KIAA2012: variants seen among roughly 807,000 people sequenced by gnomAD.
KIAA2012 encodes the protein KIAA2012.
In KIAA2012, 125 loss-of-function variants were observed where a neutral mutation model predicts 150.6. The ratio of observed to expected loss-of-function variants is 0.83; its 90% CI spans 0.72 to 0.96. KIAA2012 has a LOEUF of 0.96. KIAA2012 is among the 40% of genes least tolerant of loss of function. KIAA2012 has a pLI of 0.00. For missense variants in KIAA2012, 1,219 were observed against 1,354.9 expected (o/e 0.90, Z 1.57); for synonymous variants, 462 against 504.7 (o/e 0.92, Z 1.13).
intron 14 of KIAA2012, among the ~76,000 whole-genome samples, chr2:202,162,474 C>T (rs1180173064): frequency 6.6e-6 from 1 of 151,796 alleles, no homozygotes; most frequent in Non-Finnish European, 1.5e-5. Flanking sequence ...AGGATTTCAC[C>T]ATGTTAGCCA....
In KIAA2012 at chr2:202,196,915, A is replaced by G; in HGVS notation, c.3303A>G (p.Ala1101=). ...RLEYQRRKQE[A]EEKARLEAEE... is the part of the protein sequence containing the mutation. Reference sequence around the variant, plus strand: ...AGTACCAGCGGCGGAAACAGGAAGCAGAAGAGAAGGCTCGGCTGGAGGCAG... The same window carrying G: ...AGTACCAGCGGCGGAAACAGGAAGCGGAAGAGAAGGCTCGGCTGGAGGCAG... The change falls in exon 22 of 24, where the codon GCA becomes GCG. Residue 1101 remains alanine, a synonymous_variant. Coordinates refer to ENST00000498697, the MANE Select transcript of KIAA2012 (RefSeq NM_001277372.4). The G allele has an allele frequency of 6.4e-7, 1 of 1,550,792 alleles. No individual in the cohort carries two copies. The highest frequency in any genetic ancestry group is 8.7e-7 in the Non-Finnish European group (1 of 1,147,010).
chr2:202,132,743 A>ATGTAG (rs1188073064), intron 12 of KIAA2012, among the ~76,000 whole-genome samples: 1 of 111,622 alleles, frequency 9.0e-6, no homozygotes, highest in Non-Finnish European at 1.7e-5. Flanking sequence ...ATATGTATAT[A>ATGTAG]TATAGTATAT....
intron 15 of KIAA2012, among the ~76,000 whole-genome samples, chr2:202,166,560 G>T (rs1574301984): frequency 6.6e-6 from 1 of 152,048 alleles, no homozygotes; most frequent in East Asian, 1.9e-4. Flanking sequence ...GCTGAGGCAG[G>T]AGGATCATTG....
At chr2:202,122,610 C>T (rs1690679152) in intron 11 of KIAA2012, among the ~76,000 whole-genome samples, 1 of 151,778 alleles carries the variant, frequency 6.6e-6, no homozygotes, top group Non-Finnish European at 1.5e-5. Context: ...AAGAGATTCT[C>T]CTGTCTCAGC....
chr2:202,203,770 GTC>G (rs1491449064), intron 23 of KIAA2012, among the ~76,000 whole-genome samples: 1 of 144,004 alleles, frequency 6.9e-6, no homozygotes, highest in Non-Finnish European at 1.5e-5. Context: ...CTACCAGGAT[GTC>G]TTTTTTTTTT....
intron 15 of KIAA2012, among the ~76,000 whole-genome samples, chr2:202,180,441 T>C (rs954818212): frequency 2.6e-5 from 4 of 152,206 alleles, no homozygotes; most frequent in Non-Finnish European, 5.9e-5. Context: ...AAATGACACT[T>C]ATAAATCCTG....
intron 11 of KIAA2012, chr2:202,116,654 C>T (rs1189339793): frequency 1.3e-5 from 2 of 151,880 alleles, no homozygotes; most frequent in African/African-American, 2.4e-5. Context: ...GCATCCTTCC[C>T]CCTTGCAACT....
At chr2:202,115,861 T>A (rs1252709867) in intron 11 of KIAA2012, 1 of 151,478 alleles carries the variant, frequency 6.6e-6, no homozygotes, top group Non-Finnish European at 1.5e-5. Flanking sequence ...GGCAATTAGA[T>A]CATGGTATCT....
At chr2:202,094,332 A>AC (rs542881331) in intron 4 of KIAA2012, among the ~76,000 whole-genome samples, 28 of 152,004 alleles carry the variant, frequency 1.8e-4, no homozygotes, top group Non-Finnish European at 2.2e-4. Flanking sequence ...TGCCTGACCA[A>AC]CCCCCATCTT....
At chr2:202,151,755 A>G (rs998836081) in intron 13 of KIAA2012, among the ~76,000 whole-genome samples, 1 of 152,014 alleles carries the variant, frequency 6.6e-6, no homozygotes, top group African/African-American at 2.4e-5. Context: ...TGTATTTGTT[A>G]TTACTTTTAT....
intron 15 of KIAA2012, among the ~76,000 whole-genome samples, chr2:202,172,634 T>C (rs1229604097): frequency 6.6e-6 from 1 of 152,230 alleles, no homozygotes; most frequent in East Asian, 1.9e-4. Context: ...GACTTTTCCT[T>C]GGGCAGTTTC....
At chr2:202,122,819 C>T (rs1445656226) in intron 11 of KIAA2012, among the ~76,000 whole-genome samples, 1 of 152,094 alleles carries the variant, frequency 6.6e-6, no homozygotes, top group East Asian at 1.9e-4. Flanking sequence ...TATCTTTATT[C>T]TGTTTTTACT....
intron 2 of KIAA2012, among the ~76,000 whole-genome samples, chr2:202,080,227 T>G (rs1482168309): frequency 6.6e-6 from 1 of 152,234 alleles, no homozygotes; most frequent in African/African-American, 2.4e-5. Flanking sequence ...ACACATCCAT[T>G]AAGCTAACCC....
chr2:202,171,088 G>C (rs1184867184), intron 15 of KIAA2012, among the ~76,000 whole-genome samples: 1 of 148,614 alleles, frequency 6.7e-6, no homozygotes, highest in Non-Finnish European at 1.5e-5. Flanking sequence ...CAAGGTCCGG[G>C]GAAATAGAGA....
At chr2:202,095,555 G>A (rs879142752) in intron 4 of KIAA2012, among the ~76,000 whole-genome samples, 1 of 152,196 alleles carries the variant, frequency 6.6e-6, no homozygotes, top group Non-Finnish European at 1.5e-5. Flanking sequence ...GAGAGACTAA[G>A]TTTTGTGGTC....
chr2:202,096,106 A>G (rs968516305), intron 4 of KIAA2012, among the ~76,000 whole-genome samples: 14 of 152,146 alleles, frequency 9.2e-5, no homozygotes, highest in Admixed American at 7.2e-4. Flanking sequence ...CCCAAAAAAA[A>G]AGAGACTATT....
intron 1 of KIAA2012, 131 bp downstream of exon 1, chr2:202,073,842 T>C (rs1689261312): frequency 2.9e-6 from 2 of 692,150 alleles, no homozygotes; most frequent in Non-Finnish European, 4.9e-6. Flanking sequence ...CTGGAAGATC[T>C]TCCTTCCTCC....
intron 11 of KIAA2012, among the ~76,000 whole-genome samples, chr2:202,121,934 T>C (rs1357776668): frequency 1.3e-5 from 2 of 152,128 alleles, no homozygotes; most frequent in African/African-American, 2.4e-5. Flanking sequence ...CAGAGGAAGT[T>C]CCATTTACAC....
intron 22 of KIAA2012, chr2:202,201,323 G>T (rs1237411994): frequency 1.1e-5 from 18 of 1,585,620 alleles, no homozygotes; most frequent in Non-Finnish European, 1.5e-5. Context: ...CAGTTACATT[G>T]TGAGAAGTGC....
Sources: gnomAD v4.1 joint callset for allele counts (sites outside exome capture counted in the v4.1 genomes callset) on GRCh38, gnomAD v4.1.1 for gene constraint, MANE v1.5 for transcripts, NCBI Gene and HGNC (gene_info 2026-07-23, HGNC 2026-07-21) for gene names.